MTCL1: variants seen among roughly 807,000 people sequenced by gnomAD.
The protein encoded by MTCL1 is microtubule cross-linking factor 1.
Under a neutral mutation model 141.4 loss-of-function variants are expected in MTCL1, and 79 were observed. That is an observed-to-expected ratio of 0.56 (90% CI 0.47 to 0.67). MTCL1 has a LOEUF of 0.67. Ranked by LOEUF, MTCL1 falls within the 30% of genes least tolerant of loss-of-function variation. The pLI is 0.00. For synonymous variants in MTCL1, 914 were observed against 875.8 expected (o/e 1.04, Z -0.77); for missense variants, 2,177 against 2,113.9 (o/e 1.03, Z -0.59).
rs71356268 is a variant in MTCL1, at chr18:8,805,102, A to AATATATATATATATATATATATATAT, written c.2437-1774_2437-1773insTATATATATATATATATATATATATA. Among the ~76,000 whole-genome samples the AATATATATATATATATATATATATAT allele has an allele frequency of 9.7e-4, 142 of 146,300 alleles. 2 individuals carry two copies. Among genetic ancestry groups the AATATATATATATATATATATATATAT allele is most frequent in the Middle Eastern group, 3.6e-3 (1 of 274 alleles). On this transcript the variant is annotated intron_variant, in intron 10 of 16. Transcript: ENST00000359865. ...TCTTTTTAATACAACTTTATTTTTG[A>AATATATATATATATATATATATATAT]ATATATATATATATATAGAATTTTA...
At chr18:8,724,450 A>C (rs1194915739) in intron 4 of MTCL1, among the ~76,000 whole-genome samples, 1 of 151,918 alleles carries the variant, frequency 6.6e-6, no homozygotes, top group Non-Finnish European at 1.5e-5. Flanking sequence ...TTCTTTCTCC[A>C]CTCTATCCGT....
At chr18:8,765,599 G>T (rs1449686923) in intron 4 of MTCL1, among the ~76,000 whole-genome samples, 1 of 152,174 alleles carries the variant, frequency 6.6e-6, no homozygotes, top group Non-Finnish European at 1.5e-5. Context: ...ACCACACGAG[G>T]GATGGAAGTG....
chr18:8,785,624 G>T, intron 6 of MTCL1: 1 of 332,018 alleles, frequency 3.0e-6, no homozygotes, highest in Non-Finnish European at 5.5e-6. Context: ...CTGGATTCAC[G>T]CATCGCCATC....
upstream of MTCL1, among the ~76,000 whole-genome samples, chr18:8,716,447 A>G (rs1241974162): frequency 1.3e-5 from 2 of 152,150 alleles, no homozygotes; most frequent in East Asian, 1.9e-4. Context: ...CCGAAGCATC[A>G]TCATCACCCC....
intron 4 of MTCL1, among the ~76,000 whole-genome samples, chr18:8,731,601 A>G (rs2096251120): frequency 6.6e-6 from 1 of 152,250 alleles, no homozygotes; most frequent in Non-Finnish European, 1.5e-5. Context: ...ATTAAAATAT[A>G]GACAGCACAT....
At position 8,822,326 on chromosome 18, in the gene MTCL1, G is replaced by A. The variant is rs969114911; in HGVS notation, c.3188+828G>A. 4.6e-5 allele frequency among the ~76,000 whole-genome samples: 7 copies of A among 151,810 alleles called. No homozygotes were observed. In the East Asian group the frequency reaches 5.9e-4, roughly 13 times the overall value. ...TGGTTGATTTTTGAAATGGAGTCTC[G>A]CTCTGTCTCCCAGGCTGGAGTACAG... On this transcript the variant is annotated intron_variant, in intron 14 of 16. Coordinates refer to ENST00000359865, the Ensembl canonical transcript of MTCL1. The surrounding 1 kb of genome is among the most constrained non-coding windows in gnomAD (Gnocchi z 4.6).
At chr18:8,816,440 T>C (rs1298676028) in intron 12 of MTCL1, among the ~76,000 whole-genome samples, 6 of 152,248 alleles carry the variant, frequency 3.9e-5, no homozygotes, top group African/African-American at 1.4e-4. Flanking sequence ...ACTGTGGGAA[T>C]GTGGCTAAGG....
chr18:8,812,465 C>T lies in MTCL1; in HGVS notation c.2605-514C>T, dbSNP rs527860655. On this transcript the variant is annotated intron_variant, in intron 11 of 16. Transcript: ENST00000359865. ...GATGAGAAGTCTGCTGGAATTCTCT[C>T]GTCTTTGTGCCTCTATGACATGGGT... Among the ~76,000 whole-genome samples, 10 of 152,314 alleles carry T rather than the reference C, an allele frequency of 6.6e-5. No individual in the cohort carries two copies. In the South Asian group the frequency reaches 8.3e-4, roughly 13 times the overall value.
chr18:8,812,208 G>A (rs2076510402), intron 11 of MTCL1, among the ~76,000 whole-genome samples: 1 of 152,132 alleles, frequency 6.6e-6, no homozygotes, highest in Non-Finnish European at 1.5e-5. Context: ...CAAAGTGCCT[G>A]TTGGTATATT....
intron 4 of MTCL1, among the ~76,000 whole-genome samples, chr18:8,742,354 A>G (rs2096308861): frequency 6.6e-6 from 1 of 152,186 alleles, no homozygotes; most frequent in Non-Finnish European, 1.5e-5. Context: ...ATAAAGACGC[A>G]CCTGAGACTG....
chr18:8,800,331 A>G (rs1363994318), intron 10 of MTCL1: 1 of 152,276 alleles, frequency 6.6e-6, no homozygotes, highest in South Asian at 2.1e-4. Flanking sequence ...CCCAAGGACA[A>G]GTTCTCAGTC....
chr18:8,725,936 C>T (rs1297445965), intron 4 of MTCL1, among the ~76,000 whole-genome samples: 1 of 151,676 alleles, frequency 6.6e-6, no homozygotes, highest in African/African-American at 2.4e-5. Context: ...ACTACAGGCA[C>T]CCGCCACCAC....
At chr18:8,792,043 G>A (rs906760352) in intron 7 of MTCL1, among the ~76,000 whole-genome samples, 3 of 152,112 alleles carry the variant, frequency 2.0e-5, no homozygotes, top group Non-Finnish European at 2.9e-5. Context: ...GTACCGATTA[G>A]GAAGAACAAA....
At chr18:8,807,610 G>A (rs559915235) in intron 11 of MTCL1, among the ~76,000 whole-genome samples, 1 of 152,336 alleles carries the variant, frequency 6.6e-6, no homozygotes, top group South Asian at 2.1e-4. Flanking sequence ...GCTAGGGCAG[G>A]AAGAGAGCCC....
At chr18:8,805,720 T>C (rs1325319909) in intron 10 of MTCL1, among the ~76,000 whole-genome samples, 1 of 152,132 alleles carries the variant, frequency 6.6e-6, no homozygotes, top group Non-Finnish European at 1.5e-5. Context: ...CTTATCTATG[T>C]CCAGTGGGAC....
chr18:8,720,128 C>A, intron 3 of MTCL1: 1 of 526,680 alleles, frequency 1.9e-6, no homozygotes, highest in Non-Finnish European at 3.3e-6. Flanking sequence ...ACCATCAGAC[C>A]AGCCAGAGTG....
At chr18:8,761,461 G>C (rs2096432092) in intron 4 of MTCL1, among the ~76,000 whole-genome samples, 1 of 152,172 alleles carries the variant, frequency 6.6e-6, no homozygotes, top group African/African-American at 2.4e-5. Context: ...CATCATCTCA[G>C]ACAGAAGCTC....
intron 4 of MTCL1, among the ~76,000 whole-genome samples, chr18:8,721,926 G>A (rs1205989640): frequency 1.3e-5 from 2 of 152,144 alleles, no homozygotes; most frequent in Non-Finnish European, 1.5e-5. Flanking sequence ...TGAAGGGGGC[G>A]GAGCATAGAG....
intron 4 of MTCL1, among the ~76,000 whole-genome samples, chr18:8,726,472 G>GGAGAGAGAGAGA (rs374393768): frequency 1.7e-4 from 23 of 131,592 alleles, no homozygotes; most frequent in African/African-American, 6.4e-4. Context: ...GAGAATAAGA[G>GGAGAGAGAGAGA]GAGAGAGAGA....
Sources: gnomAD v4.1 joint callset for allele counts (sites outside exome capture counted in the v4.1 genomes callset) on GRCh38, gnomAD v4.1.1 for gene constraint, Gnocchi (gnomAD v3.1) non-coding constraint, MANE v1.5 for transcripts, NCBI Gene and HGNC (gene_info 2026-07-23, HGNC 2026-07-21) for gene names.